The following DGKH variants were observed in gnomAD, a reference collection of about 807,000 sequenced individuals.
DGKH encodes diacylglycerol kinase eta, also known as DAG kinase eta.
DGKH carries 90 observed loss-of-function variants against 159.3 expected under a neutral mutation model. That is an observed-to-expected ratio of 0.57 (90% CI 0.48 to 0.67). The LOEUF is 0.67. DGKH is among the 30% of genes least tolerant of loss of function. The pLI is 0.00. For synonymous variants in DGKH, 536 were observed against 553.8 expected (o/e 0.97, Z 0.45); for missense variants, 1,181 against 1,506.1 (o/e 0.78, Z 3.57).
chr13:42,063,607 C>T (rs1882340703), intron 1 of DGKH, among the ~76,000 whole-genome samples: 1 of 152,136 alleles, frequency 6.6e-6, no homozygotes, highest in African/African-American at 2.4e-5. Context: ...GGTCAAGCTA[C>T]AGCTTTTTTA....
At chr13:42,191,868 A>G (rs1323189923) in intron 16 of DGKH, among the ~76,000 whole-genome samples, 1 of 152,192 alleles carries the variant, frequency 6.6e-6, no homozygotes, top group Admixed American at 6.6e-5. Context: ...CTTATTCTCA[A>G]AAAATTTTAA....
chr13:42,191,692 A>G (rs1047288519), intron 16 of DGKH, among the ~76,000 whole-genome samples: 5 of 152,114 alleles, frequency 3.3e-5, no homozygotes, highest in Non-Finnish European at 7.4e-5. Flanking sequence ...CATGTTTGAA[A>G]CATCTCTTGT....
chr13:42,151,005 G>A (rs1352812979), intron 3 of DGKH, among the ~76,000 whole-genome samples: 7 of 152,244 alleles, frequency 4.6e-5, no homozygotes, highest in African/African-American at 1.4e-4. Context: ...ATGCAAGGAA[G>A]GGGCTGCAAG....
intron 1 of DGKH, among the ~76,000 whole-genome samples, chr13:42,120,996 G>T (rs1312086888): frequency 6.6e-6 from 1 of 151,428 alleles, no homozygotes; most frequent in Non-Finnish European, 1.5e-5. Flanking sequence ...TGTTCCAGAA[G>T]TAGTTTGTTT....
chr13:42,145,380 C>G (rs1267753603), intron 3 of DGKH, among the ~76,000 whole-genome samples: 1 of 152,030 alleles, frequency 6.6e-6, no homozygotes, highest in African/African-American at 2.4e-5. Context: ...TCGGTTGCCA[C>G]AGGTTGAGAC....
At chr13:42,050,173 C>A (rs1004920498) in intron 1 of DGKH, among the ~76,000 whole-genome samples, 3 of 152,078 alleles carry the variant, frequency 2.0e-5, no homozygotes, top group African/African-American at 7.2e-5. Context: ...GAGTTCCAGA[C>A]CAGCCTGGCC....
Position 42,233,038 on chromosome 13 carries a change from G to A in DGKH, c.*3850G>A, listed in dbSNP as rs892910430. Reference sequence around the variant, plus strand: ...CCCAGCTATTCTGAAGGCTGAGGTGGGAGGATTGCTTGAGACCAGGAGTTC... The same window carrying A: ...CCCAGCTATTCTGAAGGCTGAGGTGAGAGGATTGCTTGAGACCAGGAGTTC... On this transcript the variant is annotated 3_prime_UTR_variant, in exon 30 of 30. Transcript: ENST00000337343. The A allele has an allele frequency of 1.3e-5, 2 of 152,346 alleles. No individual in the cohort carries two copies. The highest frequency in any genetic ancestry group is 2.9e-5 in the Non-Finnish European group (2 of 68,148). 9.4% of individuals were successfully genotyped at this position (152,346 alleles called of 1,614,324 possible).
intron 1 of DGKH, among the ~76,000 whole-genome samples, chr13:42,068,689 A>G (rs1438508465): frequency 6.6e-6 from 1 of 152,178 alleles, no homozygotes; most frequent in Non-Finnish European, 1.5e-5. Context: ...GTCTTAGTGC[A>G]TTTCTTTTGT....
chr13:42,199,478 A>T, intron 18 of DGKH, 88 bp from the exon 19 acceptor site: 2 of 885,398 alleles, frequency 2.3e-6, no homozygotes, highest in Non-Finnish European at 3.4e-6. Flanking sequence ...GAAAGCTTAA[A>T]TGGTTTTAAG....
At chr13:42,154,326 A>C (rs1343191725) in intron 3 of DGKH, among the ~76,000 whole-genome samples, 2 of 152,222 alleles carry the variant, frequency 1.3e-5, no homozygotes, top group East Asian at 3.8e-4. Context: ...TCTGCAAGTA[A>C]ATAAATGATC....
chr13:42,100,417 T>G (rs1053283976), intron 1 of DGKH, among the ~76,000 whole-genome samples: 1 of 152,106 alleles, frequency 6.6e-6, no homozygotes, highest in Non-Finnish European at 1.5e-5. Flanking sequence ...GCACAATAAA[T>G]GTAATGTGCT....
intron 29 of DGKH, among the ~76,000 whole-genome samples, chr13:42,224,128 G>A (rs1333147266): frequency 6.6e-6 from 1 of 152,024 alleles, no homozygotes; most frequent in Admixed American, 6.6e-5. Context: ...ATGTATATAT[G>A]TGCCACATTT....
chr13:42,204,529 G>T (rs896885673), intron 20 of DGKH, among the ~76,000 whole-genome samples: 9 of 152,176 alleles, frequency 5.9e-5, no homozygotes, highest in Non-Finnish European at 8.8e-5. Context: ...GTCTTCCCAA[G>T]AACTGACTTT....
At chr13:42,092,865 A>G (rs1954447163) in intron 1 of DGKH, among the ~76,000 whole-genome samples, 1 of 152,192 alleles carries the variant, frequency 6.6e-6, no homozygotes, top group South Asian at 2.1e-4. Context: ...TACACCCAAA[A>G]TGTTACAATT....
rs1345822119 is a variant in DGKH, at chr13:42,231,002, AT to A, written c.*1818del. The A allele has an allele frequency of 1.3e-5, 2 of 152,184 alleles. No individual in the cohort carries two copies. Among genetic ancestry groups the A allele is most frequent in the African/African-American group, 4.8e-5 (2 of 41,436 alleles). The allele number at this position is 152,184 out of a possible 1,614,324, so 9.4% of individuals were successfully genotyped here. The stretch of plus-strand genomic sequence containing the variant: ...CCTGACCAAGTATGTCTGACTATAT[AT>A]TTTACCTAAGTTGTAAATAAATGGA... On this transcript the variant is annotated 3_prime_UTR_variant, in exon 30 of 30. Coordinates refer to ENST00000337343, the MANE Select transcript of DGKH (RefSeq NM_178009.5).
chr13:42,227,390 A>C (rs1297339844), intron 29 of DGKH, among the ~76,000 whole-genome samples: 1 of 152,236 alleles, frequency 6.6e-6, no homozygotes, highest in East Asian at 1.9e-4. Context: ...TTTAGTCTTG[A>C]GAATACAATG....
At chr13:42,131,074 T>C (rs1488752065) in intron 3 of DGKH, among the ~76,000 whole-genome samples, 1 of 151,964 alleles carries the variant, frequency 6.6e-6, no homozygotes, top group Non-Finnish European at 1.5e-5. Context: ...GGTCATTTGG[T>C]CCCATTGATG....
intron 3 of DGKH, among the ~76,000 whole-genome samples, chr13:42,141,034 A>C (rs1278208140): frequency 1.4e-4 from 9 of 62,998 alleles, no homozygotes; most frequent in South Asian, 6.1e-4. Flanking sequence ...GAACCCTCCT[A>C]ATGCTATCCC....
chr13:42,096,423 T>G (rs1954536836), intron 1 of DGKH, among the ~76,000 whole-genome samples: 4 of 152,212 alleles, frequency 2.6e-5, no homozygotes, highest in African/African-American at 9.6e-5. Flanking sequence ...CATGATTTCA[T>G]TCTTGTTTAT....
Sources: allele counts gnomAD v4.1 joint callset (sites outside exome capture counted in the v4.1 genomes callset), GRCh38; gene constraint gnomAD v4.1.1; transcripts MANE v1.5; gene names NCBI Gene and HGNC (gene_info 2026-07-23, HGNC 2026-07-21).